Variants in EYS observed in about 807,000 individuals in gnomAD.
EYS encodes the protein EGF-like photoreceptor maintenance factor.
In EYS, 250 loss-of-function variants were observed where a neutral mutation model predicts 282.1. That is an observed-to-expected ratio of 0.89 (90% confidence interval 0.80 to 0.98). The LOEUF (loss-of-function observed/expected upper bound fraction) is 0.98. Ranked by LOEUF, EYS falls within the 50% of genes least tolerant of loss-of-function variation. The pLI is 0.00. For synonymous variants in EYS, 1,355 were observed against 1,282.9 expected (o/e 1.06, Z -1.20); for missense variants, 4,016 against 3,709.0 (o/e 1.08, Z -2.15).
chr6:64,962,485 C>T (rs568277293), intron 14 of EYS, among the ~76,000 whole-genome samples: 1 of 151,830 alleles, frequency 6.6e-6, no homozygotes, highest in African/African-American at 2.4e-5. Flanking sequence ...AATCATAGCC[C>T]TTTGGGAGGC....
At chr6:63,818,904 T>C (rs1486270722) in intron 36 of EYS, among the ~76,000 whole-genome samples, 1 of 152,266 alleles carries the variant, frequency 6.6e-6, no homozygotes, top group East Asian at 1.9e-4. Flanking sequence ...CTGCCATTCA[T>C]CTATCCAAGT....
chr6:64,343,891 C>G (rs1321743756), intron 29 of EYS, among the ~76,000 whole-genome samples: 1 of 152,106 alleles, frequency 6.6e-6, no homozygotes, highest in Non-Finnish European at 1.5e-5. Context: ...ACTGATCCCA[C>G]AGAAATACAA....
At chr6:65,475,623 CA>C (rs1765372779) in intron 5 of EYS, among the ~76,000 whole-genome samples, 1 of 151,962 alleles carries the variant, frequency 6.6e-6, no homozygotes, top group Non-Finnish European at 1.5e-5. Context: ...GGGATTTACT[CA>C]GAAAGTCATT....
At position 64,047,058 on chromosome 6, in the gene EYS, CT is replaced by C. The variant is rs200215601; in HGVS notation, c.6725+19279del. On this transcript the variant is annotated intron_variant, in intron 33 of 42. Transcript: ENST00000503581. ...ACACCAAGGATATTTCACCTAATGA[CT>C]TTTTTTCCCCCTCTCATTATTCCAT... 2.8e-3 allele frequency among the ~76,000 whole-genome samples: 426 copies of C among 151,704 alleles called. 7 individuals are homozygous for C. Among genetic ancestry groups the C allele is most frequent in the Admixed American group, 0.024 (368 of 15,244 alleles).
Position 64,918,384 on chromosome 6 carries a change from C to A in EYS, c.2382-5641G>T, listed in dbSNP as rs184845951. ...TTGCTGAGGATTGTGAAAACTACTG[C>A]AACAACAAGAAAAGTAAAATTAAGG... On this transcript the variant is annotated intron_variant, in intron 15 of 42. Coordinates refer to ENST00000503581, the MANE Select transcript of EYS (RefSeq NM_001142800.2). 3.9e-4 allele frequency among the ~76,000 whole-genome samples: 60 copies of A among 152,168 alleles called. 1 individual carries two copies. Among genetic ancestry groups the A allele is most frequent in the Non-Finnish European group, 1.0e-4 (7 of 67,994 alleles).
chr6:65,325,737 T>A (rs1413299890), intron 11 of EYS, among the ~76,000 whole-genome samples: 1 of 152,084 alleles, frequency 6.6e-6, no homozygotes, highest in African/African-American at 2.4e-5. Context: ...ACACTCTGAC[T>A]CCTAGAAATA....
chr6:64,235,586 G>A (rs1204547617), intron 30 of EYS, among the ~76,000 whole-genome samples: 2 of 152,066 alleles, frequency 1.3e-5, no homozygotes, highest in African/African-American at 2.4e-5. Context: ...ATGATTTATA[G>A]TCCTTTGGGT....
intron 13 of EYS, among the ~76,000 whole-genome samples, chr6:65,028,500 A>C (rs1371096049): frequency 6.6e-6 from 1 of 152,024 alleles, no homozygotes; most frequent in African/African-American, 2.4e-5. Context: ...GTTAATAATA[A>C]TGTATACATA....
rs1765084005 is a variant in EYS at position 64,551,569 on chromosome 6, C to T, written c.5644+38654G>A. On this transcript the variant is annotated intron_variant, in intron 26 of 42. Transcript: ENST00000503581. ...TTTTTTTTTTTGAGATGGAGTCCTG[C>T]TGTGTTGCCCAGGCTAGAGTGCAGT... Among the ~76,000 whole-genome samples the T allele has an allele frequency of 2.8e-5, 4 of 142,890 alleles. No individual in the cohort carries two copies. The South Asian group carries it at 9.0e-4, about 32-fold the overall frequency. The allele number at this position is 142,890 out of a possible 152,430, so 93.7% of individuals were successfully genotyped here.
intron 42 of EYS, among the ~76,000 whole-genome samples, chr6:63,722,534 G>A (rs942158898): frequency 2.6e-5 from 4 of 152,300 alleles, no homozygotes; most frequent in Middle Eastern, 3.4e-3. Context: ...GCATTCAGAA[G>A]AAAAGTAAAG....
intron 2 of EYS, among the ~76,000 whole-genome samples, chr6:65,609,924 T>G (rs7745746): frequency 3.3e-5 from 5 of 151,966 alleles, no homozygotes; most frequent in African/African-American, 1.2e-4. Flanking sequence ...CACACACTGG[T>G]TATAAAAATA....
chr6:65,191,383 A>G (rs1226612034), intron 12 of EYS, among the ~76,000 whole-genome samples: 1 of 151,850 alleles, frequency 6.6e-6, no homozygotes, highest in Non-Finnish European at 1.5e-5. Flanking sequence ...AAAAAATGGA[A>G]TGGGTATTTT....
At chr6:64,453,441 C>T (rs1775437358) in intron 26 of EYS, among the ~76,000 whole-genome samples, 1 of 152,178 alleles carries the variant, frequency 6.6e-6, no homozygotes, top group Non-Finnish European at 1.5e-5. Flanking sequence ...TTGTGGAAGT[C>T]AGTGTGGCGA....
At chr6:64,489,845 T>C (rs1167674812) in intron 26 of EYS, among the ~76,000 whole-genome samples, 4 of 150,742 alleles carry the variant, frequency 2.7e-5, no homozygotes, top group African/African-American at 4.8e-5. Context: ...TGGTTACATA[T>C]TGTGGAGCCC....
chr6:64,655,997 C>A (rs1027588749), intron 22 of EYS, among the ~76,000 whole-genome samples: 2 of 152,084 alleles, frequency 1.3e-5, no homozygotes, highest in Non-Finnish European at 2.9e-5. Context: ...TGGTTGTCTT[C>A]ACCTCTTTGA....
At chr6:65,463,780 C>T (rs2150411287) in intron 5 of EYS, among the ~76,000 whole-genome samples, 1 of 152,100 alleles carries the variant, frequency 6.6e-6, no homozygotes, top group Non-Finnish European at 1.5e-5. Flanking sequence ...TTCAAGTTCC[C>T]TCTTGACCCA....
intron 2 of EYS, among the ~76,000 whole-genome samples, chr6:65,590,810 G>GTT (rs531645037): frequency 0.011 from 1,625 of 143,538 alleles, 22 homozygotes; most frequent in African/African-American, 0.027. Context: ...GAATTTTAAT[G>GTT]TTTTTTTTTT....
intron 40 of EYS, among the ~76,000 whole-genome samples, chr6:63,776,235 T>C (rs1770061387): frequency 6.6e-6 from 1 of 152,198 alleles, no homozygotes. Context: ...AATTTCAACG[T>C]TATTTTTTAA....
chr6:64,128,521 A>G (rs1488146588), intron 31 of EYS, among the ~76,000 whole-genome samples: 1 of 152,158 alleles, frequency 6.6e-6, no homozygotes, highest in Non-Finnish European at 1.5e-5. Flanking sequence ...GTTTATCTCT[A>G]ATCCCTAGGC....
Sources: gnomAD v4.1 joint callset for allele counts (sites outside exome capture counted in the v4.1 genomes callset) on GRCh38, gnomAD v4.1.1 for gene constraint, MANE v1.5 for transcripts, NCBI Gene and HGNC (gene_info 2026-07-23, HGNC 2026-07-21) for gene names.